CCDC171: variants seen among roughly 807,000 people sequenced by gnomAD.
CCDC171 encodes coiled-coil domain containing 171.
A neutral mutation model predicts 168.2 loss-of-function variants in CCDC171; 177 were observed. That is an observed-to-expected ratio of 1.05 (90% CI 0.93 to 1.19). The LOEUF is 1.19. Among genes scored for constraint, CCDC171 ranks in the 50% most tolerant of loss-of-function variants. CCDC171 has a pLI of 0.00. For missense variants in CCDC171, 1,991 were observed against 1,539.0 expected, an observed-to-expected ratio of 1.29 and a Z score of -4.91; for synonymous variants, 687 against 540.8, an observed-to-expected ratio of 1.27 and a Z score of -3.75.
chr9:16,000,726 G>T (rs1832514656), intron 3 of CCDC171, among the ~76,000 whole-genome samples: 1 of 129,916 alleles, frequency 7.7e-6, no homozygotes, highest in Non-Finnish European at 1.7e-5. Context: ...AATAAGAAGA[G>T]ACTTTTTTTT....
chr9:15,835,247 T>A (rs76544832), intron 21 of CCDC171, among the ~76,000 whole-genome samples: 2,386 of 152,274 alleles, frequency 0.016, 75 homozygotes, highest in African/African-American at 0.054. Flanking sequence ...GTGATTAAAT[T>A]TAGTTGCATA....
intron 7 of CCDC171, among the ~76,000 whole-genome samples, chr9:16,035,869 A>C (rs1345668459): frequency 6.6e-6 from 1 of 152,192 alleles, no homozygotes; most frequent in Admixed American, 6.5e-5. Context: ...AATAAATTCT[A>C]CCGCTATGCA....
intron 23 of CCDC171, among the ~76,000 whole-genome samples, chr9:15,859,591 C>T (rs1198877053): frequency 6.6e-6 from 1 of 151,086 alleles, no homozygotes; most frequent in African/African-American, 2.4e-5. Context: ...CCCTCCCTCC[C>T]TTCCTCTCTT....
chr9:15,728,360 C>G (rs907274280), intron 15 of CCDC171, among the ~76,000 whole-genome samples: 1 of 152,060 alleles, frequency 6.6e-6, no homozygotes, highest in Non-Finnish European at 1.5e-5. Flanking sequence ...AGACCTTAGT[C>G]ATTTACATTA....
chr9:15,710,536 C>T (rs980161744), intron 11 of CCDC171, among the ~76,000 whole-genome samples: 9 of 152,154 alleles, frequency 5.9e-5, no homozygotes, highest in Admixed American at 3.3e-4. Flanking sequence ...CTCCTGACCT[C>T]ATGATCCGCC....
At chr9:15,642,384 T>TATAC (rs2046709489) in intron 7 of CCDC171, among the ~76,000 whole-genome samples, 1 of 129,020 alleles carries the variant, frequency 7.8e-6, no homozygotes, top group African/African-American at 2.8e-5. Flanking sequence ...TATATATATA[T>TATAC]GCATTTTAAC....
intron 25 of CCDC171, among the ~76,000 whole-genome samples, chr9:15,967,324 G>A (rs1046364077): frequency 2.6e-5 from 4 of 152,158 alleles, no homozygotes; most frequent in African/African-American, 9.7e-5. Flanking sequence ...ATAATTTACA[G>A]GGCTTAAAAC....
At chr9:15,736,596 C>T (rs2054509152) in intron 16 of CCDC171, among the ~76,000 whole-genome samples, 1 of 152,092 alleles carries the variant, frequency 6.6e-6, no homozygotes, top group African/African-American at 2.4e-5. Context: ...AAGCAGTACA[C>T]CTGCTTTGAC....
intron 25 of CCDC171, among the ~76,000 whole-genome samples, chr9:15,958,585 A>G (rs1943469066): frequency 6.8e-6 from 1 of 147,212 alleles, no homozygotes; most frequent in South Asian, 2.1e-4. Flanking sequence ...AGGCCAGGAA[A>G]AGTTTGGGGT....
chr9:15,993,913 T>G (rs572593245), intron 3 of CCDC171, among the ~76,000 whole-genome samples: 3 of 152,116 alleles, frequency 2.0e-5, no homozygotes, highest in Admixed American at 2.0e-4. Context: ...GTTAGAATGG[T>G]GATCATTGAA....
chr9:15,704,130 T>A (rs1355199876), intron 11 of CCDC171, among the ~76,000 whole-genome samples: 1 of 152,184 alleles, frequency 6.6e-6, no homozygotes, highest in Non-Finnish European at 1.5e-5. Flanking sequence ...TGAAATGCAA[T>A]AAAACAAGGT....
intron 3 of CCDC171, among the ~76,000 whole-genome samples, chr9:16,005,860 A>G (rs778935850): frequency 3.5e-4 from 54 of 152,140 alleles, no homozygotes; most frequent in Non-Finnish European, 5.1e-4. Flanking sequence ...TAAGAAAGTC[A>G]CATGGTAACT....
At chr9:15,620,177 G>T (rs80125308) in intron 6 of CCDC171, among the ~76,000 whole-genome samples, 1 of 152,142 alleles carries the variant, frequency 6.6e-6, no homozygotes, top group Admixed American at 6.5e-5. Context: ...GAAGAATTTT[G>T]ACTTTCAAGT....
chr9:15,563,528 A>G lies in CCDC171; in HGVS notation c.-111-450A>G, dbSNP rs541013338. Among the ~76,000 whole-genome samples, 7 of 152,340 alleles carry G rather than the reference A, an allele frequency of 4.6e-5. No homozygotes were observed. In the South Asian group the frequency reaches 1.4e-3, roughly 32 times the overall value. Reference sequence around the variant, plus strand: ...TGTTGTAAGGATCACAATGCTATATATAAAATACCAATTACAGTGCTTGAC... The same window carrying G: ...TGTTGTAAGGATCACAATGCTATATGTAAAATACCAATTACAGTGCTTGAC... On this transcript the variant is annotated intron_variant, in intron 1 of 25. Coordinates refer to ENST00000380701, the MANE Select transcript of CCDC171 (RefSeq NM_173550.4).
intron 25 of CCDC171, among the ~76,000 whole-genome samples, chr9:15,921,631 T>C (rs1004394000): frequency 6.6e-6 from 1 of 151,622 alleles, no homozygotes; most frequent in African/African-American, 2.4e-5. Context: ...AAAGTACGAG[T>C]AATCTATCCA....
intron 23 of CCDC171, among the ~76,000 whole-genome samples, chr9:15,850,988 A>G (rs1391617553): frequency 6.6e-6 from 1 of 152,020 alleles, no homozygotes; most frequent in Non-Finnish European, 1.5e-5. Flanking sequence ...TGTACCATTC[A>G]TTCTAGAATA....
chr9:15,957,144 A>G (rs1305666635), intron 25 of CCDC171, among the ~76,000 whole-genome samples: 1 of 152,058 alleles, frequency 6.6e-6, no homozygotes, highest in East Asian at 1.9e-4. Context: ...GCATACAGGC[A>G]AGAAGAGAAG....
At chr9:15,641,865 ATACAGAACTGTTG>A (rs1564117355) in intron 7 of CCDC171, among the ~76,000 whole-genome samples, 1 of 152,202 alleles carries the variant, frequency 6.6e-6, no homozygotes, top group East Asian at 1.9e-4. Context: ...TTTGTGTTAC[ATACAGAACTGTTG>A]TTTGGCTAGG....
chr9:15,771,852 G>A (rs542638019), intron 18 of CCDC171, among the ~76,000 whole-genome samples: 21 of 152,152 alleles, frequency 1.4e-4, no homozygotes, highest in Admixed American at 2.0e-4. Flanking sequence ...GGGGACGGGC[G>A]GGGCAGAGGC....
Sources: allele counts gnomAD v4.1 joint callset (sites outside exome capture counted in the v4.1 genomes callset), GRCh38; gene constraint gnomAD v4.1.1; transcripts MANE v1.5; gene names NCBI Gene and HGNC (gene_info 2026-07-23, HGNC 2026-07-21).